OR4S2: variants seen among roughly 807,000 people sequenced by gnomAD.
OR4S2 encodes olfactory receptor 4S2.
A neutral mutation model predicts 15.1 loss-of-function variants in OR4S2; 16 were observed. The ratio of observed to expected loss-of-function variants is 1.06; its 90% confidence interval spans 0.72 to 1.61. The LOEUF is 1.61. Among genes scored for constraint, OR4S2 ranks in the 40% most tolerant of loss-of-function variants. The probability of loss-of-function intolerance (pLI) is 0.00; values close to 1 mark genes in which losing one functional copy is unlikely to be tolerated. For missense variants in OR4S2, 362 were observed against 379.6 expected (o/e 0.95, Z 0.38); for synonymous variants, 133 against 136.3 (o/e 0.98, Z 0.17).
rs1354986209 is a variant in OR4S2 at position 55,650,069 on chromosome 11, G to A, written c.-36-799G>A. Among the ~76,000 whole-genome samples, 3 of 139,098 alleles carry A rather than the reference G, an allele frequency of 2.2e-5. 1 individual carries two copies. Among genetic ancestry groups the A allele is most frequent in the Non-Finnish European group, 4.8e-5 (3 of 62,458 alleles). 91.3% of individuals were successfully genotyped at this position (139,098 alleles called of 152,430 possible). A position where few individuals can be genotyped will look rare whatever the true frequency, so the allele number is the denominator to read the frequency against. ...TTATGAATATTTCATACTGACAGAA[G>A]TGATTTAAGTTCACGGCTGAAATAA... On this transcript the variant is annotated intron_variant, in intron 1 of 1. Coordinates refer to ENST00000641692, the MANE Select transcript of OR4S2 (RefSeq NM_001004059.3).
rs1565075659 is a variant in OR4S2 at position 55,651,009 on chromosome 11, A to T, written c.106A>T (p.Ile36Phe). ...GGTGTTTTCTTTCTTCTACATAATC[A>T]TTCTTCTGGGAAATCTCCTCATCAT... Reference protein sequence around the residue: ...FVVFSFFYIIILLGNLLIMLT... With the variant: ...FVVFSFFYIIFLLGNLLIMLT... The change falls in exon 2 of 2, where the codon ATT (isoleucine) becomes TTT (phenylalanine). Residue 36 changes from isoleucine (I) to phenylalanine (F), a missense_variant. Coordinates refer to ENST00000641692, the MANE Select transcript of OR4S2 (RefSeq NM_001004059.3). The T allele has an allele frequency of 4.1e-6, 6 of 1,461,916 alleles. 2 individuals are homozygous for T. The highest frequency in any genetic ancestry group is 5.6e-6 in the Non-Finnish European group (6 of 1,069,286). 90.6% of individuals were successfully genotyped at this position (1,461,916 alleles called of 1,614,324 possible).
intron 1 of OR4S2, among the ~76,000 whole-genome samples, chr11:55,650,655 A>T (rs1048053425): frequency 7.2e-6 from 1 of 138,036 alleles, no homozygotes; most frequent in African/African-American, 2.5e-5. Context: ...GATTGAGGGG[A>T]TTTACTTTAT....
In OR4S2 at chr11:55,651,963, CA is replaced by C; in HGVS notation, c.*128del. 4 of 493,656 alleles carry C rather than the reference CA, an allele frequency of 8.1e-6. No homozygotes were observed. The highest frequency in any genetic ancestry group is 1.1e-5 in the Non-Finnish European group (3 of 278,460). The allele number at this position is 493,656 out of a possible 1,614,324, so 30.6% of individuals were successfully genotyped here. ...TGGAAAAATGAGACAATAACACATT[CA>C]AAAGAGTAAGGTATTATTTTTCATT... On this transcript the variant is annotated 3_prime_UTR_variant, in exon 2 of 2. Transcript: ENST00000641692.
At position 55,651,663 on chromosome 11, in the gene OR4S2, T is replaced by A. The variant is rs1273302555; in HGVS notation, c.760T>A (p.Phe254Ile). Residue 254 changes from phenylalanine (F) to isoleucine (I), a missense_variant, in exon 2 of 2, where the codon TTT becomes ATT. By Grantham distance (21) the Phe-to-Ile change is conservative. Transcript: ENST00000641692. ...CGTTATCTTTTTCGGCCCCTGTACTTTTATGTACATGCGCCCTGATACGAC... is the reference window on the plus strand; with the variant it reads ...CGTTATCTTTTTCGGCCCCTGTACTATTATGTACATGCGCCCTGATACGAC... The part of the protein sequence containing the change: ...MVVIFFGPCT[F>I]MYMRPDTTFS... 1.3e-6 allele frequency: 2 copies of A among 1,492,940 alleles called. No individual in the cohort carries two copies. Among genetic ancestry groups the A allele is most frequent in the African/African-American group, 2.7e-5 (2 of 72,766 alleles). 92.5% of individuals were successfully genotyped at this position (1,492,940 alleles called of 1,614,324 possible). A position where few individuals can be genotyped will look rare whatever the true frequency, so the allele number is the denominator to read the frequency against.
rs767162523 is a variant in OR4S2 at position 55,651,325 on chromosome 11, A to C, written c.422A>C (p.Lys141Thr). The C allele has an allele frequency of 1.3e-6, 2 of 1,488,140 alleles. No individual in the cohort carries two copies. Among genetic ancestry groups the C allele is most frequent in the East Asian group, 2.6e-5 (1 of 38,716 alleles). 92.2% of individuals were successfully genotyped at this position (1,488,140 alleles called of 1,614,324 possible). ...MTIMNRETCN[K>T]MLLGTWVGGF... Reference sequence around the variant, plus strand: ...ATCATGAACCGGGAGACATGCAATAAAATGTTATTAGGGACGTGGGTAGGT... The same window carrying C: ...ATCATGAACCGGGAGACATGCAATACAATGTTATTAGGGACGTGGGTAGGT... Residue 141 changes from lysine to threonine, a missense_variant, in exon 2 of 2, where the codon AAA (lysine) becomes ACA (threonine). By Grantham distance (78) the Lys-to-Thr change is moderately conservative. Transcript: ENST00000641692.
chr11:55,648,548 C>T lies in OR4S2; in HGVS notation c.-39C>T, dbSNP rs1858525965. The T allele has an allele frequency of 8.1e-6, 1 of 124,194 alleles. No homozygotes were observed. The highest frequency in any genetic ancestry group is 2.9e-5 in the African/African-American group (1 of 34,862). The allele number at this position is 124,194 out of a possible 1,614,324, so 7.7% of individuals were successfully genotyped here. ...AAGTGAACTCAAGCTCTGGAAAATA[C>T]TGGTGAGATTTTTTTTTCTTTTCAA... On this transcript the variant is annotated splice_region_variant and 5_prime_UTR_variant, in exon 1 of 2. Transcript: ENST00000641692.
chr11:55,651,395 AC>A lies in OR4S2; in HGVS notation c.495del (p.Cys167ValfsTer6), dbSNP rs1371821910. ...TCCAAGTGGCTCTGGTAGTCCAACT[AC>A]CCTTTTGTGGACCCAATGAGATAGA... ...IIQVALVVQLPFCGPNEIDHY... is the reference protein window; with the variant it reads ...IIQVALVVQLXFCGPNEIDHY... On this transcript the variant is annotated frameshift_variant, in exon 2 of 2. Transcript: ENST00000641692. LOFTEE classifies it high-confidence loss of function. 4 of 1,487,426 alleles carry A rather than the reference AC, an allele frequency of 2.7e-6. 2 individuals carry two copies. In the South Asian group the frequency reaches 4.7e-5, roughly 18 times the overall value. The allele number at this position is 1,487,426 out of a possible 1,614,324, so 92.1% of individuals were successfully genotyped here.
In OR4S2 at chr11:55,649,262, A is replaced by T. The variant is rs1242329372; in HGVS notation, c.-37+712A>T. ...AAGCAGGGGATGTGCTTGAGACTGT[A>T]TCTAAATCATATTACTATTACTCTT... On this transcript the variant is annotated intron_variant, in intron 1 of 1. Coordinates refer to ENST00000641692, the MANE Select transcript of OR4S2 (RefSeq NM_001004059.3). Among the ~76,000 whole-genome samples, 16 of 138,538 alleles carry T rather than the reference A, an allele frequency of 1.2e-4. 3 individuals carry two copies. Among genetic ancestry groups the T allele is most frequent in the Admixed American group, 2.4e-4 (3 of 12,706 alleles). The allele number at this position is 138,538 out of a possible 152,430, so 90.9% of individuals were successfully genotyped here.
At chr11:55,648,695 G>C (rs1359778037) in intron 1 of OR4S2, 145 bp downstream of exon 1, 1 of 138,062 alleles carries the variant, frequency 7.2e-6, no homozygotes, top group African/African-American at 2.5e-5. Context: ...AATCATGATA[G>C]TAAGATAGTA....
At chr11:55,650,244 C>T (rs1477387932) in intron 1 of OR4S2, among the ~76,000 whole-genome samples, 2 of 138,572 alleles carry the variant, frequency 1.4e-5, no homozygotes, top group Non-Finnish European at 3.2e-5. Flanking sequence ...CTTTCTATTA[C>T]CTCACACTAC....
chr11:55,648,409 G>T lies in OR4S2; in HGVS notation c.-178G>T, dbSNP rs6591560. On this transcript the variant is annotated 5_prime_UTR_variant, in exon 1 of 2. Coordinates refer to ENST00000641692, the MANE Select transcript of OR4S2 (RefSeq NM_001004059.3). ...CTCATTTCTACCAGCCTTTCAGTTT[G>T]GGGGGTCAGGTATTTTCCGGTACTA... The T allele has an allele frequency of 5.2e-3, 720 of 137,404 alleles. 67 individuals are homozygous for T. The highest frequency in any genetic ancestry group is 0.017 in the African/African-American group (667 of 39,848). The allele number at this position is 137,404 out of a possible 1,614,324, so 8.5% of individuals were successfully genotyped here. A position where few individuals can be genotyped will look rare whatever the true frequency, so the allele number is the denominator to read the frequency against.
intron 1 of OR4S2, among the ~76,000 whole-genome samples, chr11:55,649,294 A>T (rs1858535322): frequency 7.2e-6 from 1 of 138,378 alleles, no homozygotes; most frequent in Non-Finnish European, 1.6e-5. Flanking sequence ...TCTTACAATC[A>T]TTATTTTGTA....
Position 55,650,966 on chromosome 11 carries a change from T to A in OR4S2, c.63T>A (p.Ile21=), listed in dbSNP as rs1206998944. ...IFWGLSQSPE[I]EKVCFVVFSF... ...GGGGTCTTTCTCAGAGCCCAGAGATTGAGAAAGTTTGTTTTGTGGTGTTTT... is the reference window on the plus strand; with the variant it reads ...GGGGTCTTTCTCAGAGCCCAGAGATAGAGAAAGTTTGTTTTGTGGTGTTTT... The change falls in exon 2 of 2, where the codon ATT becomes ATA. Residue 21 remains isoleucine, a synonymous_variant. Coordinates refer to ENST00000641692, the MANE Select transcript of OR4S2 (RefSeq NM_001004059.3). The A allele has an allele frequency of 1.4e-6, 2 of 1,467,312 alleles. No individual in the cohort carries two copies. Among genetic ancestry groups the A allele is most frequent in the South Asian group, 1.2e-5 (1 of 84,354 alleles). 90.9% of individuals were successfully genotyped at this position (1,467,312 alleles called of 1,614,324 possible).
chr11:55,648,331 G>T lies in OR4S2; in HGVS notation c.-256G>T, dbSNP rs1370318397. 7.3e-6 allele frequency: 1 copy of T among 137,574 alleles called. No homozygotes were observed. Among genetic ancestry groups the T allele is most frequent in the Non-Finnish European group, 1.6e-5 (1 of 61,934 alleles). The allele number at this position is 137,574 out of a possible 1,614,324, so 8.5% of individuals were successfully genotyped here. Reference sequence around the variant, plus strand: ...AGAGAAAACAGCATTTATTGTCAAAGACCCTGTGAAATGGCAGGTATCATT... The same window carrying T: ...AGAGAAAACAGCATTTATTGTCAAATACCCTGTGAAATGGCAGGTATCATT... On this transcript the variant is annotated 5_prime_UTR_variant, in exon 1 of 2. Coordinates refer to ENST00000641692, the MANE Select transcript of OR4S2 (RefSeq NM_001004059.3).
chr11:55,651,677 C>A lies in OR4S2; in HGVS notation c.774C>A (p.Arg258=), dbSNP rs780691729. 2.7e-6 allele frequency: 4 copies of A among 1,491,444 alleles called. No individual in the cohort carries two copies. In the African/African-American group the frequency reaches 4.1e-5, roughly 15 times the overall value. The allele number at this position is 1,491,444 out of a possible 1,614,324, so 92.4% of individuals were successfully genotyped here. The change falls in exon 2 of 2, where the codon CGC becomes CGA. Residue 258 remains arginine (R), a synonymous_variant. Coordinates refer to ENST00000641692, the MANE Select transcript of OR4S2 (RefSeq NM_001004059.3). ...GCCCCTGTACTTTTATGTACATGCG[C>A]CCTGATACGACCTTTTCAGAGGATA... ...FFGPCTFMYM[R]PDTTFSEDKM... is the part of the protein sequence containing the mutation.
rs1235813313 is a variant in OR4S2 at position 55,649,716 on chromosome 11, A to T, written c.-36-1152A>T. Among the ~76,000 whole-genome samples the T allele has an allele frequency of 1.4e-5, 2 of 139,106 alleles. 1 individual carries two copies. Among genetic ancestry groups the T allele is most frequent in the Non-Finnish European group, 3.2e-5 (2 of 62,400 alleles). 91.3% of individuals were successfully genotyped at this position (139,106 alleles called of 152,430 possible). A position where few individuals can be genotyped will look rare whatever the true frequency, so the allele number is the denominator to read the frequency against. ...CCATTAAAATTGTCATTCAGTGATG[A>T]TCTCTTCCAGAAATATAAATCGACC... On this transcript the variant is annotated intron_variant, in intron 1 of 1. Coordinates refer to ENST00000641692, the MANE Select transcript of OR4S2 (RefSeq NM_001004059.3).
intron 1 of OR4S2, among the ~76,000 whole-genome samples, chr11:55,649,353 A>G (rs1358590044): frequency 7.2e-6 from 1 of 138,382 alleles, no homozygotes; most frequent in Non-Finnish European, 1.6e-5. Context: ...CAACTCTAAC[A>G]TGAATACCTG....
rs1858574924 is a variant in OR4S2 at position 55,651,938 on chromosome 11, T to C, written c.*99T>C. The C allele has an allele frequency of 6.9e-6, 4 of 575,604 alleles. No homozygotes were observed. In the East Asian group the frequency reaches 1.2e-4, roughly 18 times the overall value. The allele number at this position is 575,604 out of a possible 1,614,324, so 35.7% of individuals were successfully genotyped here. On this transcript the variant is annotated 3_prime_UTR_variant, in exon 2 of 2. Coordinates refer to ENST00000641692, the MANE Select transcript of OR4S2 (RefSeq NM_001004059.3). ...AATAACAACCTCATGGGATTTGGAGTGGAAAAATGAGACAATAACACATTC... is the reference window on the plus strand; with the variant it reads ...AATAACAACCTCATGGGATTTGGAGCGGAAAAATGAGACAATAACACATTC...
Position 55,651,261 on chromosome 11 carries a change from C to T in OR4S2, c.358C>T (p.Arg120Cys), listed in dbSNP as rs267602971. Reference protein sequence around the residue: ...IFILTVMAYDRYVAICKPLHY... With the variant: ...IFILTVMAYDCYVAICKPLHY... ...CATCCTTACTGTAATGGCCTATGAT[C>T]GTTATGTGGCTATCTGTAAACCCCT... The change falls in exon 2 of 2, where the codon CGT becomes TGT. Residue 120 changes from arginine (R) to cysteine (C), a missense_variant. Physicochemically the swap from Arg to Cys is radical, Grantham distance 180. Coordinates refer to ENST00000641692, the MANE Select transcript of OR4S2 (RefSeq NM_001004059.3). The T allele has an allele frequency of 9.5e-6, 14 of 1,476,532 alleles. 3 individuals are homozygous for T. The highest frequency in any genetic ancestry group is 1.9e-4 in the Middle Eastern group (1 of 5,290). The allele number at this position is 1,476,532 out of a possible 1,614,324, so 91.5% of individuals were successfully genotyped here. A position where few individuals can be genotyped will look rare whatever the true frequency, so the allele number is the denominator to read the frequency against.
Sources: gnomAD v4.1 joint callset for allele counts (sites outside exome capture counted in the v4.1 genomes callset) on GRCh38, gnomAD v4.1.1 for gene constraint, MANE v1.5 for transcripts, NCBI Gene and HGNC (gene_info 2026-07-23, HGNC 2026-07-21) for gene names.